The following RUSC2 variants were observed in gnomAD, a reference collection of about 807,000 sequenced individuals.
RUSC2 encodes the protein AP-4 complex accessory subunit RUSC2.
A neutral mutation model predicts 122.2 loss-of-function variants in RUSC2; 34 were observed. The ratio of observed to expected loss-of-function variants is 0.28; its 90% CI spans 0.21 to 0.37. The LOEUF (loss-of-function observed/expected upper bound fraction) is 0.37, where lower values mean the gene tolerates loss of function less well. Ranked by LOEUF, RUSC2 falls within the 10% of genes least tolerant of loss-of-function variation. The pLI, the probability that RUSC2 is intolerant of heterozygous loss-of-function variation, is 1.00. For missense variants in RUSC2, 1,747 were observed against 1,952.4 expected (o/e 0.89, Z 1.98); for synonymous variants, 784 against 790.0 (o/e 0.99, Z 0.13).
intron 1 of RUSC2, among the ~76,000 whole-genome samples, chr9:35,531,342 GAAGTT>G (rs1821415536): frequency 1.3e-5 from 2 of 152,208 alleles, no homozygotes; most frequent in Admixed American, 1.3e-4. Context: ...CTTGCTGAAG[GAAGTT>G]GAGGAGATTA....
At chr9:35,556,587 G>A in intron 5 of RUSC2, 139 bp downstream of exon 5, 1 of 921,886 alleles carries the variant, frequency 1.1e-6, no homozygotes, top group Non-Finnish European at 1.6e-6. Flanking sequence ...CACTTTGGGA[G>A]GCCAAGGCAG....
At chr9:35,504,767 G>T (rs1299517862) in intron 1 of RUSC2, among the ~76,000 whole-genome samples, 1 of 152,140 alleles carries the variant, frequency 6.6e-6, no homozygotes, top group Non-Finnish European at 1.5e-5. Context: ...ACCCAGCCAA[G>T]ATCTTAGTTT....
chr9:35,535,733 A>G (rs7034638), intron 1 of RUSC2, among the ~76,000 whole-genome samples: 117,223 of 151,372 alleles, frequency 0.77, 46,384 homozygotes, highest in Non-Finnish European at 0.88. Context: ...GTAGAGACGG[A>G]GTTTCACTGT....
At chr9:35,497,627 G>T (rs1338440066) in intron 1 of RUSC2, among the ~76,000 whole-genome samples, 4 of 152,144 alleles carry the variant, frequency 2.6e-5, no homozygotes, top group Non-Finnish European at 5.9e-5. Flanking sequence ...AAGATCTCCA[G>T]ACCTAGGGTG....
chr9:35,519,338 G>A (rs1821167519), intron 1 of RUSC2, among the ~76,000 whole-genome samples: 1 of 152,204 alleles, frequency 6.6e-6, no homozygotes, highest in African/African-American at 2.4e-5. Flanking sequence ...CAGCTGTGAT[G>A]GTCAGACAAC....
chr9:35,513,190 T>TTTTTTG (rs376849719), intron 1 of RUSC2, among the ~76,000 whole-genome samples: 1 of 149,654 alleles, frequency 6.7e-6, no homozygotes. Context: ...TATACTTTGT[T>TTTTTTG]TTGTTGTTGT....
chr9:35,504,305 T>C (rs1420944584), intron 1 of RUSC2, among the ~76,000 whole-genome samples: 1 of 152,214 alleles, frequency 6.6e-6, no homozygotes, highest in African/African-American at 2.4e-5. Flanking sequence ...GAATTAACTA[T>C]TATTATTTTG....
At chr9:35,543,380 C>G (rs940404960) in intron 1 of RUSC2, among the ~76,000 whole-genome samples, 25 of 152,124 alleles carry the variant, frequency 1.6e-4, no homozygotes, top group Admixed American at 4.6e-4. Flanking sequence ...CATGATCGCA[C>G]CACTGCACTC....
intron 1 of RUSC2, among the ~76,000 whole-genome samples, chr9:35,514,505 T>G (rs758826984): frequency 6.6e-6 from 1 of 152,168 alleles, no homozygotes; most frequent in Admixed American, 6.5e-5. Context: ...TGATGTCTAT[T>G]AAGATGATTC....
chr9:35,524,646 T>C (rs1821286008), intron 1 of RUSC2, among the ~76,000 whole-genome samples: 2 of 152,150 alleles, frequency 1.3e-5, no homozygotes, highest in Admixed American at 1.3e-4. Flanking sequence ...TGTTGTACTC[T>C]TTGTTTTCTG....
rs1260954855 is a variant in RUSC2, at chr9:35,548,371, G to C, written c.1850G>C (p.Trp617Ser). 6.2e-7 allele frequency: 1 copy of C among 1,614,054 alleles called. No individual in the cohort carries two copies. Among genetic ancestry groups the C allele is most frequent in the South Asian group, 1.1e-5 (1 of 91,086 alleles). The change falls in exon 2 of 12, where the codon TGG (tryptophan) becomes TCG (serine). Residue 617 changes from tryptophan (W) to serine (S), a missense_variant. Transcript: ENST00000361226. The surrounding 1 kb of genome is among the most constrained non-coding windows in gnomAD (Gnocchi z 4.5). ...CTTGGCCCAGACCCAAGTCCACCCT[G>C]GTCCACCCAGGTCTGTCAGGGACCC... The part of the protein sequence containing the change: ...DLLGPDPSPP[W>S]STQVCQGPHS...
At chr9:35,538,380 A>G (rs1821572153) in intron 1 of RUSC2, among the ~76,000 whole-genome samples, 1 of 152,198 alleles carries the variant, frequency 6.6e-6, no homozygotes, top group South Asian at 2.1e-4. Flanking sequence ...GCCATCCACC[A>G]GGACTGAGTT....
intron 1 of RUSC2, among the ~76,000 whole-genome samples, chr9:35,545,016 T>G (rs1215380743): frequency 6.6e-6 from 1 of 152,182 alleles, no homozygotes; most frequent in Non-Finnish European, 1.5e-5. Flanking sequence ...GAAGCAAGAT[T>G]GTAAATAATT....
rs758004476 is a variant in RUSC2 at position 35,558,217 on chromosome 9, T to C, written c.3081T>C (p.Ser1027=). 42 of 1,613,608 alleles carry C rather than the reference T, an allele frequency of 2.6e-5. No individual in the cohort carries two copies. Among genetic ancestry groups the C allele is most frequent in the Non-Finnish European group, 3.4e-5 (40 of 1,180,010 alleles). Residue 1027 remains serine (S), a synonymous_variant, in exon 7 of 12, where the codon TCT becomes TCC. Transcript: ENST00000361226. The surrounding 1 kb of genome is among the most constrained non-coding windows in gnomAD (Gnocchi z 4.3). ...TACAGGCAAAGCTGGGAAACAGTTCTGTGAGCCCCAATGTGGGCCACCTGG... is the reference window on the plus strand; with the variant it reads ...TACAGGCAAAGCTGGGAAACAGTTCCGTGAGCCCCAATGTGGGCCACCTGG... ...PGVKAKLGNS[S]VSPNVGHLVL...
intron 2 of RUSC2, among the ~76,000 whole-genome samples, chr9:35,553,653 A>C (rs556252791): frequency 6.6e-6 from 1 of 152,224 alleles, no homozygotes; most frequent in Non-Finnish European, 1.5e-5. Context: ...AAGCAGGTGC[A>C]AAAGGCCCGG....
chr9:35,511,672 C>T (rs936074620), intron 1 of RUSC2, among the ~76,000 whole-genome samples: 1 of 152,178 alleles, frequency 6.6e-6, no homozygotes, highest in Non-Finnish European at 1.5e-5. Context: ...AGACTTTAGG[C>T]TAGGTTCAGT....
Position 35,547,383 on chromosome 9 carries a change from TACA to T in RUSC2, c.867_869del (p.Asn289del), listed in dbSNP as rs1587861740. On this transcript the variant is annotated inframe_deletion, in exon 2 of 12. Coordinates refer to ENST00000361226, the MANE Select transcript of RUSC2 (RefSeq NM_014806.5). This position sits in a 1 kb window ranked among gnomAD's most constrained non-coding sequence, Gnocchi z 4.6. ...TGTGCTGGTCACCTTCAGCACCCTC[TACA>T]ACAAGATGCATGGCACCCCCCGTGC... The T allele has an allele frequency of 1.2e-6, 2 of 1,614,174 alleles. No individual in the cohort carries two copies. Among genetic ancestry groups the T allele is most frequent in the Non-Finnish European group, 1.7e-6 (2 of 1,180,018 alleles).
chr9:35,550,984 G>A (rs936144073), intron 2 of RUSC2, among the ~76,000 whole-genome samples: 1 of 151,752 alleles, frequency 6.6e-6, no homozygotes, highest in Non-Finnish European at 1.5e-5. Context: ...CAGGAGAATC[G>A]CTTGAACCTG....
At position 35,561,403 on chromosome 9, in the gene RUSC2, C is replaced by T. The variant is rs747513583; in HGVS notation, c.*21C>T. 12 of 1,576,454 alleles carry T rather than the reference C, an allele frequency of 7.6e-6. No homozygotes were observed. The highest frequency in any genetic ancestry group is 7.0e-5 in the South Asian group (6 of 85,726). On this transcript the variant is annotated 3_prime_UTR_variant, in exon 12 of 12. Transcript: ENST00000361226. ...ACTGAGGCCCTGTGCATGCTGGTGG[C>T]CTCAGGGACCCTCATAACCCCCAGA...
Sources: gnomAD v4.1 joint callset for allele counts (sites outside exome capture counted in the v4.1 genomes callset) on GRCh38, gnomAD v4.1.1 for gene constraint, Gnocchi (gnomAD v3.1) non-coding constraint, MANE v1.5 for transcripts, NCBI Gene and HGNC (gene_info 2026-07-23, HGNC 2026-07-21) for gene names.